Variants in LARP1B observed in about 807,000 individuals in gnomAD.
LARP1B encodes La ribonucleoprotein 1B, also known as la-related protein 1B.
Under a neutral mutation model 114.2 loss-of-function variants are expected in LARP1B, and 76 were observed. The ratio of observed to expected loss-of-function variants is 0.67; its 90% CI spans 0.55 to 0.81. The LOEUF (loss-of-function observed/expected upper bound fraction) is 0.81. LARP1B is among the 30% of genes least tolerant of loss of function. The pLI is 0.00. For synonymous variants in LARP1B, 345 were observed against 348.0 expected (o/e 0.99, Z 0.10); for missense variants, 1,014 against 1,075.8 (o/e 0.94, Z 0.80).
chr4:128,075,530 A>C (rs747197381), intron 3 of LARP1B, among the ~76,000 whole-genome samples: 119 of 149,712 alleles, frequency 7.9e-4, no homozygotes, highest in Non-Finnish European at 1.5e-3. Context: ...CTAACCTATT[A>C]TTTCTTTCTT....
intron 5 of LARP1B, among the ~76,000 whole-genome samples, chr4:128,085,317 T>G: frequency 6.6e-6 from 1 of 150,746 alleles, no homozygotes; most frequent in Admixed American, 6.6e-5. Context: ...GTGGAGATAA[T>G]AATTTTCTCA....
intron 1 of LARP1B, among the ~76,000 whole-genome samples, chr4:128,073,590 T>TTTTTTTTTTTTTTTTTTTTTTTTTTTTTG (rs1766506112): frequency 2.2e-5 from 1 of 46,444 alleles, no homozygotes; most frequent in Non-Finnish European, 4.4e-5. Context: ...TTTTTTTTTT[T>TTTTTTTTTTTTTTTTTTTTTTTTTTTTTG]TTTTTTTTTT....
intron 9 of LARP1B, among the ~76,000 whole-genome samples, chr4:128,114,073 TAGACA>T (rs962462894): frequency 2.6e-5 from 4 of 152,198 alleles, no homozygotes; most frequent in African/African-American, 9.6e-5. Context: ...TTTATTGCAG[TAGACA>T]AACCTTGCTG....
At chr4:128,171,247 GC>G (rs1743566555) in intron 12 of LARP1B, among the ~76,000 whole-genome samples, 1 of 151,966 alleles carries the variant, frequency 6.6e-6, no homozygotes, top group Non-Finnish European at 1.5e-5. Context: ...TACCACCTCA[GC>G]CTCCCGAGTA....
chr4:128,199,422 T>TC lies in LARP1B; in HGVS notation c.2004-13dup. 1 of 1,473,544 alleles carries TC rather than the reference T, an allele frequency of 6.8e-7. No individual in the cohort carries two copies. Among genetic ancestry groups the TC allele is most frequent in the Non-Finnish European group, 9.0e-7 (1 of 1,105,304 alleles). 91.3% of individuals were successfully genotyped at this position (1,473,544 alleles called of 1,614,324 possible). On this transcript the variant is annotated splice_polypyrimidine_tract_variant and intron_variant, in intron 15 of 19. Coordinates refer to ENST00000326639, the MANE Select transcript of LARP1B (RefSeq NM_018078.4). ...TGATTTTTCATTTTGAAGGCTTTTT[T>TC]CCCCTTTCTCAAACAGCACTTCAAA...
At chr4:128,076,064 A>T (rs1309688907) in intron 3 of LARP1B, among the ~76,000 whole-genome samples, 3 of 152,042 alleles carry the variant, frequency 2.0e-5, no homozygotes, top group Non-Finnish European at 1.5e-5. Context: ...CCCAGGCTGG[A>T]GTACAGTGGT....
At chr4:128,213,615 C>A (rs1024791503), downstream of LARP1B, among the ~76,000 whole-genome samples, 1 of 152,018 alleles carries the variant, frequency 6.6e-6, no homozygotes, top group Non-Finnish European at 1.5e-5. Context: ...TCTAAATGGC[C>A]CTACCCAAAA....
intron 11 of LARP1B, among the ~76,000 whole-genome samples, chr4:128,152,973 CTTTTTTTTTTTT>C (rs141211750): frequency 3.4e-4 from 28 of 81,312 alleles, no homozygotes; most frequent in Admixed American, 7.1e-4. Context: ...TTTGGTTTGC[CTTTTTTTTTTTT>C]TTTTTTTTTT....
chr4:128,115,526 A>C (rs1308409652), intron 10 of LARP1B, among the ~76,000 whole-genome samples: 1 of 152,206 alleles, frequency 6.6e-6, no homozygotes. Flanking sequence ...AGCCATGATC[A>C]CACCACTGCA....
chr4:128,174,959 C>G (rs1745289524), intron 12 of LARP1B, among the ~76,000 whole-genome samples: 1 of 152,014 alleles, frequency 6.6e-6, no homozygotes, highest in African/African-American at 2.4e-5. Context: ...TTTGATTGAA[C>G]TAGGATGAAA....
At chr4:128,135,194 G>T (rs893927463) in intron 11 of LARP1B, among the ~76,000 whole-genome samples, 2 of 151,950 alleles carry the variant, frequency 1.3e-5, no homozygotes, top group Non-Finnish European at 2.9e-5. Flanking sequence ...ACTCAGAATA[G>T]AAATGCAAAT....
chr4:128,063,914 CAAG>C (rs1761410576), intron 1 of LARP1B, among the ~76,000 whole-genome samples: 1 of 152,014 alleles, frequency 6.6e-6, no homozygotes, highest in African/African-American at 2.4e-5. Flanking sequence ...AGCAGCAGAA[CAAG>C]AAATATTTGA....
intron 11 of LARP1B, chr4:128,123,102 GGT>G (rs1788524788): frequency 1.0e-6 from 1 of 985,258 alleles, no homozygotes; most frequent in African/African-American, 1.7e-5. Context: ...ACTGCCTGTC[GGT>G]GGGGCTTCAT....
chr4:128,089,999 C>T (rs537824943), intron 5 of LARP1B, among the ~76,000 whole-genome samples: 2 of 151,522 alleles, frequency 1.3e-5, no homozygotes, highest in Non-Finnish European at 1.5e-5. Flanking sequence ...TCTTGAACTC[C>T]TGAGTTCAAG....
At position 128,098,246 on chromosome 4, in the gene LARP1B, T is replaced by C. The variant is rs766715111; in HGVS notation, c.729T>C (p.Asp243=). 6 of 1,613,740 alleles carry C rather than the reference T, an allele frequency of 3.7e-6. No homozygotes were observed. Among genetic ancestry groups the C allele is most frequent in the Non-Finnish European group, 8.5e-7 (1 of 1,179,634 alleles). ...ERDFFLRGKM[D]EQGFLPISLI... ...ACTTCTTTCTTCGGGGAAAGATGGATGAACAAGGTTTCTTGCCTATTTCCC... is the reference window on the plus strand; with the variant it reads ...ACTTCTTTCTTCGGGGAAAGATGGACGAACAAGGTTTCTTGCCTATTTCCC... Residue 243 remains aspartate, a synonymous_variant, in exon 8 of 20, where the codon GAT becomes GAC. Coordinates refer to ENST00000326639, the MANE Select transcript of LARP1B (RefSeq NM_018078.4).
At chr4:128,171,906 C>G (rs2150563035) in intron 12 of LARP1B, among the ~76,000 whole-genome samples, 1 of 151,664 alleles carries the variant, frequency 6.6e-6, no homozygotes, top group East Asian at 1.9e-4. Context: ...TCTCTAGCTA[C>G]TTTCAAGATT....
intron 1 of LARP1B, chr4:128,069,142 C>A (rs1764212587): frequency 9.1e-7 from 1 of 1,094,292 alleles, no homozygotes; most frequent in Non-Finnish European, 1.4e-6. Flanking sequence ...GATGGCAGCC[C>A]ATGCATCTTC....
intron 11 of LARP1B, among the ~76,000 whole-genome samples, chr4:128,135,073 G>C (rs1393387943): frequency 2.0e-5 from 3 of 151,618 alleles, no homozygotes; most frequent in Non-Finnish European, 4.4e-5. Context: ...CTGCACTCTA[G>C]CCTGGGTGAC....
chr4:128,212,985 C>G (rs995696747), downstream of LARP1B, among the ~76,000 whole-genome samples: 3 of 128,666 alleles, frequency 2.3e-5, no homozygotes, highest in African/African-American at 8.9e-5. Context: ...ATGACGCGAT[C>G]TCGTCTCACT....
Sources: allele counts gnomAD v4.1 joint callset (sites outside exome capture counted in the v4.1 genomes callset), GRCh38; gene constraint gnomAD v4.1.1; transcripts MANE v1.5; gene names NCBI Gene and HGNC (gene_info 2026-07-23, HGNC 2026-07-21).